The following ATP5F1E variants were observed in gnomAD, a reference collection of about 807,000 sequenced individuals.
ATP5F1E encodes the protein ATP synthase F1 subunit epsilon.
ATP5F1E carries 5 observed loss-of-function variants against 7.0 expected under a neutral mutation model. That is an observed-to-expected ratio of 0.71 (90% CI 0.37 to 1.49). The LOEUF (loss-of-function observed/expected upper bound fraction) is 1.49. Among genes scored for constraint, ATP5F1E ranks in the 40% most tolerant of loss-of-function variants. ATP5F1E has a pLI of 0.03. For missense variants in ATP5F1E, 59 were observed against 57.1 expected (o/e 1.03, Z -0.11); for synonymous variants, 20 against 20.1 (o/e 0.99, Z 0.02).
Position 59,030,348 on chromosome 20 carries a change from A to G in ATP5F1E, c.114T>C (p.Thr38=), listed in dbSNP as rs374383553. The change falls in exon 2 of 3, where the codon ACT becomes ACC. Residue 38 remains threonine (T), a synonymous_variant. Transcript: ENST00000243997. Reference sequence around the variant, plus strand: ...TCACAATTTTTACGTTGCTGCCAGAAGTCTTCTCAGCATTTGCTTTGAATT... The same window carrying G: ...TCACAATTTTTACGTTGCTGCCAGAGGTCTTCTCAGCATTTGCTTTGAATT... ...KTEFKANAEK[T]SGSNVKIVKV... 3.1e-6 allele frequency: 5 copies of G among 1,613,842 alleles called. No homozygotes were observed. The African/African-American group carries it at 5.3e-5, about 17-fold the overall frequency.
chr20:59,030,579 A>G, intron 1 of ATP5F1E, 150 bp from the exon 2 acceptor site: 4 of 945,760 alleles, frequency 4.2e-6, no homozygotes, highest in South Asian at 2.8e-5. Flanking sequence ...ACTAATGCCA[A>G]AAAGTATCTA....
At chr20:59,031,584 C>G (rs528869711) in intron 1 of ATP5F1E, among the ~76,000 whole-genome samples, 1 of 152,332 alleles carries the variant, frequency 6.6e-6, no homozygotes, top group East Asian at 1.9e-4. Flanking sequence ...GACAGCTAGA[C>G]CAATGGTTTG....
rs201907184 is a variant in ATP5F1E at position 59,032,276 on chromosome 20, G to A, written c.-25C>T. The A allele has an allele frequency of 2.4e-3, 3,876 of 1,596,556 alleles. 128 individuals carry two copies. The South Asian group carries it at 0.041, about 17-fold the overall frequency. ...TGCTGTAGCGAAAGCGGAGCTCGTC[G>A]GGCCGAATCGCCAAGACGCCGGCAA... is the stretch of plus-strand genomic sequence containing the variant. On this transcript the variant is annotated 5_prime_UTR_variant, in exon 1 of 3. Coordinates refer to ENST00000243997, the MANE Select transcript of ATP5F1E (RefSeq NM_006886.4).
intron 1 of ATP5F1E, among the ~76,000 whole-genome samples, chr20:59,031,755 AAT>A (rs1373467873): frequency 1.3e-5 from 2 of 152,236 alleles, no homozygotes; most frequent in African/African-American, 4.8e-5. Flanking sequence ...TTAAAAAAAA[AAT>A]GTGTAAAGTT....
chr20:59,030,208 AAATG>A (rs1231513498), intron 2 of ATP5F1E, 91 bp downstream of exon 2: 116 of 1,507,738 alleles, frequency 7.7e-5, no homozygotes, highest in Admixed American at 1.1e-4. Context: ...ACTGACTAAA[AAATG>A]AATAGAACCC....
rs2091997341 is a variant in ATP5F1E, at chr20:59,026,853, T to C, written c.*1992A>G. On this transcript the variant is annotated 3_prime_UTR_variant, in exon 3 of 3. Transcript: ENST00000243997. ...TCTCAGAGCAGCAGCATCACCGAAATTTAGAGCTTATCCGATTCCTTCACT... is the reference window on the plus strand; with the variant it reads ...TCTCAGAGCAGCAGCATCACCGAAACTTAGAGCTTATCCGATTCCTTCACT... 1 of 152,222 alleles carries C rather than the reference T, an allele frequency of 6.6e-6. No individual in the cohort carries two copies. Among genetic ancestry groups the C allele is most frequent in the African/African-American group, 2.4e-5 (1 of 41,452 alleles). The allele number at this position is 152,222 out of a possible 1,614,324, so 9.4% of individuals were successfully genotyped here.
chr20:59,032,285 C>A lies in ATP5F1E; in HGVS notation c.-34G>T, dbSNP rs1315656060. 1 of 1,592,490 alleles carries A rather than the reference C, an allele frequency of 6.3e-7. No homozygotes were observed. Among genetic ancestry groups the A allele is most frequent in the Non-Finnish European group, 8.5e-7 (1 of 1,169,784 alleles). On this transcript the variant is annotated 5_prime_UTR_variant, in exon 1 of 3. Transcript: ENST00000243997. ...GAAAGCGGAGCTCGTCGGGCCGAAT[C>A]GCCAAGACGCCGGCAATGTCGGCTC...
Position 59,030,417 on chromosome 20 carries a change from G to C in ATP5F1E, c.45C>G (p.Tyr15Ter). The change falls in exon 2 of 3, where the codon TAC becomes TAG. Residue 15 changes from tyrosine (Y) to a stop codon, truncating the protein, a stop_gained. Transcript: ENST00000243997. LOFTEE classifies it high-confidence loss of function. ...TCACTGCTTTTGCACAGATCTGGGA[G>C]TATCGGATGTAGCTGGGAGAAAATG... ...WRQAGLSYIR[Y>*]SQICAKAVRD... 1.9e-6 allele frequency: 3 copies of C among 1,613,834 alleles called. No homozygotes were observed. The highest frequency in any genetic ancestry group is 2.5e-6 in the Non-Finnish European group (3 of 1,179,826).
At position 59,026,818 on chromosome 20, in the gene ATP5F1E, G is replaced by A. The variant is rs566185338; in HGVS notation, c.*2027C>T. 2.0e-5 allele frequency: 3 copies of A among 152,278 alleles called. No individual in the cohort carries two copies. The highest frequency in any genetic ancestry group is 4.1e-4 in the South Asian group (2 of 4,824). The allele number at this position is 152,278 out of a possible 1,614,324, so 9.4% of individuals were successfully genotyped here. On this transcript the variant is annotated 3_prime_UTR_variant, in exon 3 of 3. Coordinates refer to ENST00000243997, the MANE Select transcript of ATP5F1E (RefSeq NM_006886.4). ...CCTTTAGCAGTACGGTTGCTCCAGC[G>A]ACCTTGGTCTCTCAGAGCAGCAGCA...
rs762024348 is a variant in ATP5F1E, at chr20:59,032,216, C to T, written c.32+4G>A. ...AGCCCTTCCCTCTGGAGGCCTGGGC[C>T]TACCTGAGTCCAGCCTGTCTCCAGT... is the stretch of plus-strand genomic sequence containing the variant. On this transcript the variant is annotated splice_donor_region_variant and intron_variant, in intron 1 of 2. Transcript: ENST00000243997. The T allele has an allele frequency of 6.3e-7, 1 of 1,582,952 alleles. No individual in the cohort carries two copies. Among genetic ancestry groups the T allele is most frequent in the Non-Finnish European group, 8.6e-7 (1 of 1,166,062 alleles).
Position 59,032,279 on chromosome 20 carries a change from C to T in ATP5F1E, c.-28G>A. 1 of 1,596,150 alleles carries T rather than the reference C, an allele frequency of 6.3e-7. No homozygotes were observed. Among genetic ancestry groups the T allele is most frequent in the Middle Eastern group, 1.7e-4 (1 of 5,984 alleles). On this transcript the variant is annotated 5_prime_UTR_variant, in exon 1 of 3. Coordinates refer to ENST00000243997, the MANE Select transcript of ATP5F1E (RefSeq NM_006886.4). Reference sequence around the variant, plus strand: ...TGTAGCGAAAGCGGAGCTCGTCGGGCCGAATCGCCAAGACGCCGGCAATGT... The same window carrying T: ...TGTAGCGAAAGCGGAGCTCGTCGGGTCGAATCGCCAAGACGCCGGCAATGT...
rs1601243524 is a variant in ATP5F1E at position 59,030,222 on chromosome 20, CAAAACT to C, written c.*3+75_*3+80del. The C allele has an allele frequency of 1.1e-5, 17 of 1,566,606 alleles. No individual in the cohort carries two copies. The East Asian group carries it at 3.7e-4, about 34-fold the overall frequency. On this transcript the variant is annotated intron_variant, in intron 2 of 2. Transcript: ENST00000243997. ...CACTGACTAAAAAATGAATAGAACC[CAAAACT>C]AAAATTATTTTGATCTTTATGGTGC...
At chr20:59,029,574 A>AC (rs2092012940) in intron 2 of ATP5F1E, 1 of 152,266 alleles carries the variant, frequency 6.6e-6, no homozygotes, top group African/African-American at 2.4e-5. Flanking sequence ...CATCTCTCTG[A>AC]TAATTTGCCT....
rs2092007944 is a variant in ATP5F1E, at chr20:59,028,758, G to C, written c.*87C>G. The stretch of plus-strand genomic sequence containing the variant: ...AGACAGGATTTTTTTTTTTCCCATG[G>C]AATGAGATCCTTTTCAATCTGCCAT... On this transcript the variant is annotated 3_prime_UTR_variant, in exon 3 of 3. Coordinates refer to ENST00000243997, the MANE Select transcript of ATP5F1E (RefSeq NM_006886.4). The C allele has an allele frequency of 6.0e-6, 1 of 166,556 alleles. No individual in the cohort carries two copies. The highest frequency in any genetic ancestry group is 1.5e-5 in the Non-Finnish European group (1 of 68,132). The allele number at this position is 166,556 out of a possible 1,614,324, so 10.3% of individuals were successfully genotyped here. A position where few individuals can be genotyped will look rare whatever the true frequency, so the allele number is the denominator to read the frequency against.
At chr20:59,030,500 C>T (rs796279723) in intron 1 of ATP5F1E, 71 bp from the exon 2 acceptor site, 24 of 1,586,220 alleles carry the variant, frequency 1.5e-5, no homozygotes, top group African/African-American at 1.2e-4. Context: ...ACTGTGTTTT[C>T]GCTTTTCTTC....
At position 59,032,273 on chromosome 20, in the gene ATP5F1E, G is replaced by A. The variant is rs756521270; in HGVS notation, c.-22C>T. ...CCATGCTGTAGCGAAAGCGGAGCTC[G>A]TCGGGCCGAATCGCCAAGACGCCGG... On this transcript the variant is annotated 5_prime_UTR_variant, in exon 1 of 3. It adds an upstream start codon to the 5' untranslated region. Transcript: ENST00000243997. The A allele has an allele frequency of 3.8e-6, 6 of 1,597,726 alleles. No homozygotes were observed. Among genetic ancestry groups the A allele is most frequent in the Admixed American group, 3.5e-5 (2 of 57,796 alleles).
At chr20:59,029,526 T>C (rs1177021958) in intron 2 of ATP5F1E, 1 of 152,278 alleles carries the variant, frequency 6.6e-6, no homozygotes, top group Non-Finnish European at 1.5e-5. Context: ...GGTCTGAAGC[T>C]TTTTAAAAGC....
Position 59,032,293 on chromosome 20 carries a change from C to T in ATP5F1E, c.-42G>A, listed in dbSNP as rs767028450. ...AGCTCGTCGGGCCGAATCGCCAAGA[C>T]GCCGGCAATGTCGGCTCAGCCGGGC... On this transcript the variant is annotated 5_prime_UTR_variant, in exon 1 of 3. Coordinates refer to ENST00000243997, the MANE Select transcript of ATP5F1E (RefSeq NM_006886.4). 5 of 1,589,612 alleles carry T rather than the reference C, an allele frequency of 3.1e-6. No individual in the cohort carries two copies. Among genetic ancestry groups the T allele is most frequent in the African/African-American group, 2.7e-5 (2 of 74,714 alleles).
chr20:59,030,435 AG>A lies in ATP5F1E; in HGVS notation c.33-7del. ...TCTGGGAGTATCGGATGTAGCTGGGAGAAAATGAGAGAAGGTATATGGTTAA... is the reference window on the plus strand; with the variant it reads ...TCTGGGAGTATCGGATGTAGCTGGGAAAAATGAGAGAAGGTATATGGTTAA... On this transcript the variant is annotated splice_polypyrimidine_tract_variant and splice_region_variant and intron_variant, in intron 1 of 2. Transcript: ENST00000243997. The A allele has an allele frequency of 6.2e-7, 1 of 1,613,498 alleles. No individual in the cohort carries two copies. The highest frequency in any genetic ancestry group is 8.5e-7 in the Non-Finnish European group (1 of 1,179,624).
Sources: allele counts gnomAD v4.1 joint callset (sites outside exome capture counted in the v4.1 genomes callset), GRCh38; gene constraint gnomAD v4.1.1; transcripts MANE v1.5; gene names NCBI Gene and HGNC (gene_info 2026-07-23, HGNC 2026-07-21).